The following SYNPR variants were observed in gnomAD, a reference collection of about 807,000 sequenced individuals.
The protein encoded by SYNPR is synaptoporin.
A neutral mutation model predicts 32.9 loss-of-function variants in SYNPR; 23 were observed. The ratio of observed to expected loss-of-function variants is 0.70; its 90% CI spans 0.50 to 0.99. The LOEUF (loss-of-function observed/expected upper bound fraction) is 0.99. SYNPR is among the 50% of genes least tolerant of loss of function. The pLI is 0.00. For missense variants in SYNPR, 318 were observed against 349.3 expected (o/e 0.91, Z 0.71); for synonymous variants, 146 against 135.9 (o/e 1.07, Z -0.52).
intron 2 of SYNPR, among the ~76,000 whole-genome samples, chr3:63,373,882 T>C (rs961073262): frequency 1.3e-5 from 2 of 152,202 alleles, no homozygotes; most frequent in Non-Finnish European, 2.9e-5. Flanking sequence ...CAGTGGACCT[T>C]TCAGCAGAAA....
At chr3:63,258,012 A>T (rs2086402767) in intron 2 of SYNPR, among the ~76,000 whole-genome samples, 1 of 152,200 alleles carries the variant, frequency 6.6e-6, no homozygotes, top group African/African-American at 2.4e-5. Context: ...ATTCAACAAG[A>T]AGAGCTAACT....
At chr3:63,450,912 CA>C in intron 2 of SYNPR, among the ~76,000 whole-genome samples, 1 of 152,262 alleles carries the variant, frequency 6.6e-6, no homozygotes, top group East Asian at 1.9e-4. Context: ...AAAGGCCTTT[CA>C]AGTATATTGC....
intron 3 of SYNPR, among the ~76,000 whole-genome samples, chr3:63,505,908 T>C (rs888609896): frequency 6.6e-5 from 10 of 152,134 alleles, no homozygotes; most frequent in Admixed American, 5.9e-4. Context: ...AACCCTTTTA[T>C]TGATTTTTGT....
chr3:63,424,186 G>A (rs1484951588), intron 2 of SYNPR, among the ~76,000 whole-genome samples: 1 of 152,078 alleles, frequency 6.6e-6, no homozygotes, highest in Non-Finnish European at 1.5e-5. Context: ...CGAAAATAAA[G>A]GAAGCTGGGT....
intron 3 of SYNPR, among the ~76,000 whole-genome samples, chr3:63,516,606 A>T (rs1701805810): frequency 6.6e-6 from 1 of 152,120 alleles, no homozygotes; most frequent in East Asian, 1.9e-4. Context: ...ATAGTTTATC[A>T]AATTAAGCTA....
chr3:63,442,237 G>A (rs1700192884), intron 2 of SYNPR, among the ~76,000 whole-genome samples: 1 of 142,320 alleles, frequency 7.0e-6, no homozygotes, highest in South Asian at 2.4e-4. Flanking sequence ...AAGAGACAGA[G>A]ATAGGAAGGA....
At chr3:63,364,456 T>C (rs149005328) in intron 2 of SYNPR, among the ~76,000 whole-genome samples, 314 of 152,328 alleles carry the variant, frequency 2.1e-3, no homozygotes, top group African/African-American at 7.3e-3. Context: ...GAAGTATCAA[T>C]TTTGCTATTT....
intron 2 of SYNPR, among the ~76,000 whole-genome samples, chr3:63,478,775 G>C (rs950726990): frequency 4.6e-5 from 7 of 152,168 alleles, no homozygotes; most frequent in African/African-American, 7.2e-5. Context: ...GAGACAGAAA[G>C]GGCTAGCTCC....
At chr3:63,441,399 C>T (rs1700169781) in intron 2 of SYNPR, among the ~76,000 whole-genome samples, 1 of 152,162 alleles carries the variant, frequency 6.6e-6, no homozygotes, top group Admixed American at 6.5e-5. Flanking sequence ...TATGGTTCTA[C>T]CCTACAGGTG....
chr3:63,408,748 G>T (rs965821060), intron 2 of SYNPR, among the ~76,000 whole-genome samples: 4 of 152,094 alleles, frequency 2.6e-5, no homozygotes, highest in Admixed American at 2.6e-4. Context: ...CTCACATGGG[G>T]CAAGGAAAGA....
At chr3:63,274,179 T>C (rs2086557377), upstream of SYNPR, among the ~76,000 whole-genome samples, 1 of 152,080 alleles carries the variant, frequency 6.6e-6, no homozygotes. Flanking sequence ...ATTAAGTTGC[T>C]GCAGATAAAG....
intron 3 of SYNPR, among the ~76,000 whole-genome samples, chr3:63,270,869 TTCCTTCCTTC>T (rs1242022587): frequency 1.7e-3 from 72 of 41,190 alleles, no homozygotes; most frequent in African/African-American, 5.1e-3. Context: ...CTTTCCTTCC[TTCCTTCCTTC>T]CTTCCTTCCT....
chr3:63,277,103 C>G (rs922685784), upstream of SYNPR, among the ~76,000 whole-genome samples: 2 of 152,112 alleles, frequency 1.3e-5, no homozygotes, highest in African/African-American at 4.8e-5. Context: ...TCTTCCTCCT[C>G]TTCCTTTTTT....
chr3:63,302,262 A>G (rs1394666001), intron 2 of SYNPR, among the ~76,000 whole-genome samples: 1 of 152,028 alleles, frequency 6.6e-6, no homozygotes. Flanking sequence ...GTTTCCCGAT[A>G]TAAACTAGGC....
At chr3:63,473,723 A>C (rs1700847149) in intron 2 of SYNPR, among the ~76,000 whole-genome samples, 1 of 152,118 alleles carries the variant, frequency 6.6e-6, no homozygotes, top group South Asian at 2.1e-4. Flanking sequence ...CTTCGTGCAA[A>C]CCATGTGAGG....
chr3:63,289,991 G>C (rs1329230709), intron 2 of SYNPR, among the ~76,000 whole-genome samples: 1 of 151,906 alleles, frequency 6.6e-6, no homozygotes, highest in Non-Finnish European at 1.5e-5. Flanking sequence ...TTAGCCGGGC[G>C]TGGTGGCGGG....
At chr3:63,517,319 A>T (rs747945416) in intron 3 of SYNPR, among the ~76,000 whole-genome samples, 1 of 152,132 alleles carries the variant, frequency 6.6e-6, no homozygotes, top group Non-Finnish European at 1.5e-5. Context: ...CGGCTAAATG[A>T]GCTAATGTGT....
At chr3:63,594,392 A>G (rs1699896778) in intron 4 of SYNPR, among the ~76,000 whole-genome samples, 1 of 152,300 alleles carries the variant, frequency 6.6e-6, no homozygotes, top group Admixed American at 6.5e-5. Context: ...TAAATGAGTA[A>G]TGCGTGGAAT....
intron 2 of SYNPR, among the ~76,000 whole-genome samples, chr3:63,388,285 A>G (rs1223248380): frequency 6.7e-6 from 1 of 149,822 alleles, no homozygotes; most frequent in African/African-American, 2.4e-5. Flanking sequence ...TTCCTGAGGG[A>G]TATCTGGAAG....
Sources: allele counts gnomAD v4.1 joint callset (sites outside exome capture counted in the v4.1 genomes callset), GRCh38; gene constraint gnomAD v4.1.1; transcripts MANE v1.5; gene names NCBI Gene and HGNC (gene_info 2026-07-23, HGNC 2026-07-21).